Variants in SLC4A4 observed in about 807,000 individuals in gnomAD.
The protein encoded by SLC4A4 is electrogenic sodium bicarbonate cotransporter 1.
A neutral mutation model predicts 111.5 loss-of-function variants in SLC4A4; 27 were observed. The ratio of observed to expected loss-of-function variants is 0.24; its 90% CI spans 0.18 to 0.33. SLC4A4 has a LOEUF of 0.33. Among genes scored for constraint, SLC4A4 ranks in the 10% least tolerant of loss-of-function variants. The pLI, the probability that SLC4A4 is intolerant of heterozygous loss-of-function variation, is 1.00. For missense variants in SLC4A4, 909 were observed against 1,315.5 expected (o/e 0.69, Z 4.78); for synonymous variants, 443 against 463.4 (o/e 0.96, Z 0.57).
At chr4:71,314,778 G>A (rs539864861) in intron 3 of SLC4A4, among the ~76,000 whole-genome samples, 33 of 152,002 alleles carry the variant, frequency 2.2e-4, no homozygotes, top group Non-Finnish European at 3.4e-4. Flanking sequence ...GGAGTGGGGT[G>A]CAAGGGGAGG....
At chr4:71,361,969 A>G (rs568795889) in intron 6 of SLC4A4, among the ~76,000 whole-genome samples, 1 of 152,296 alleles carries the variant, frequency 6.6e-6, no homozygotes, top group African/African-American at 2.4e-5. Context: ...TTTTAAATGT[A>G]CCATTTAAAT....
chr4:71,438,541 C>T (rs1010805852), intron 7 of SLC4A4, among the ~76,000 whole-genome samples: 2 of 152,146 alleles, frequency 1.3e-5, no homozygotes, highest in African/African-American at 4.8e-5. Context: ...ATTTTTCCTT[C>T]TTCATGAAAA....
At chr4:71,425,410 C>G (rs970936726) in intron 7 of SLC4A4, among the ~76,000 whole-genome samples, 1 of 152,130 alleles carries the variant, frequency 6.6e-6, no homozygotes, top group Non-Finnish European at 1.5e-5. Flanking sequence ...AGTCTTCCTT[C>G]TCTTCTACAG....
intron 6 of SLC4A4, among the ~76,000 whole-genome samples, chr4:71,386,659 T>A (rs1382811118): frequency 1.3e-5 from 2 of 152,154 alleles, no homozygotes; most frequent in Non-Finnish European, 2.9e-5. Flanking sequence ...ATCTAAAATC[T>A]TTTCCTTGTT....
chr4:71,360,797 A>G (rs1730706447), intron 6 of SLC4A4, among the ~76,000 whole-genome samples: 1 of 152,212 alleles, frequency 6.6e-6, no homozygotes, highest in South Asian at 2.1e-4. Flanking sequence ...TATTATTTAT[A>G]TAATGTGTGC....
chr4:71,083,204 T>C (rs1285915386), intron 1 of SLC4A4, among the ~76,000 whole-genome samples: 1 of 152,028 alleles, frequency 6.6e-6, no homozygotes, highest in Admixed American at 6.5e-5. Context: ...CAAATAATTA[T>C]TTAATATTAT....
chr4:71,505,280 G>T (rs1451583808), intron 16 of SLC4A4, among the ~76,000 whole-genome samples: 2 of 151,818 alleles, frequency 1.3e-5, no homozygotes, highest in Non-Finnish European at 2.9e-5. Context: ...ATATAAAATG[G>T]ATATATATAA....
intron 1 of SLC4A4, among the ~76,000 whole-genome samples, chr4:71,062,851 T>C (rs1372807340): frequency 6.6e-6 from 1 of 152,224 alleles, no homozygotes; most frequent in Non-Finnish European, 1.5e-5. Flanking sequence ...AACGACATGA[T>C]GTATTTTCAC....
chr4:71,150,135 T>A (rs1744275952), intron 2 of SLC4A4, among the ~76,000 whole-genome samples: 1 of 152,200 alleles, frequency 6.6e-6, no homozygotes, highest in African/African-American at 2.4e-5. Context: ...AAATATGTTA[T>A]TAATCTTTGG....
intron 3 of SLC4A4, among the ~76,000 whole-genome samples, chr4:71,313,587 G>T (rs1186212150): frequency 6.6e-6 from 1 of 152,080 alleles, no homozygotes; most frequent in Non-Finnish European, 1.5e-5. Context: ...TAGACCAATG[G>T]AACAGAACAG....
At chr4:71,084,521 A>G (rs937038972) in intron 1 of SLC4A4, among the ~76,000 whole-genome samples, 1 of 152,022 alleles carries the variant, frequency 6.6e-6, no homozygotes, top group African/African-American at 2.4e-5. Flanking sequence ...GTCATTTAAC[A>G]TTAGGTATAT....
intron 2 of SLC4A4, among the ~76,000 whole-genome samples, chr4:71,247,456 C>G (rs1257566807): frequency 4.0e-5 from 6 of 151,856 alleles, no homozygotes; most frequent in African/African-American, 1.5e-4. Flanking sequence ...GACCCTTCAT[C>G]CTATTGCCCA....
intron 4 of SLC4A4, among the ~76,000 whole-genome samples, chr4:71,349,366 C>G (rs7667436): frequency 0.013 from 1,917 of 152,270 alleles, 44 homozygotes; most frequent in African/African-American, 0.044. Flanking sequence ...GAAGACACAA[C>G]AAAACGTGCC....
intron 2 of SLC4A4, among the ~76,000 whole-genome samples, chr4:71,245,114 A>C (rs1445054860): frequency 1.3e-5 from 2 of 152,158 alleles, no homozygotes; most frequent in Non-Finnish European, 2.9e-5. Context: ...GTGAAGGTCC[A>C]GAGGTGAGAA....
At chr4:71,472,673 T>C in intron 13 of SLC4A4, 26 bp from the exon 14 acceptor site, 3 of 1,610,496 alleles carry the variant, frequency 1.9e-6, no homozygotes, top group East Asian at 2.2e-5. Flanking sequence ...AGGAGGAATC[T>C]AAACATTTTT....
In SLC4A4 at chr4:71,126,567, A is replaced by G. The variant is rs144790167; in HGVS notation, c.-2+33775A>G. Among the ~76,000 whole-genome samples the G allele has an allele frequency of 1.4e-4, 21 of 152,324 alleles. No homozygotes were observed. In the East Asian group the frequency reaches 3.9e-3, roughly 28 times the overall value. The stretch of plus-strand genomic sequence containing the variant: ...TATAGACATACTTATTGATTGTAGT[A>G]TTGCTACAGGTTTGTGATAAATTAT... On this transcript the variant is annotated intron_variant, in intron 2 of 26. Transcript: ENST00000649996.
chr4:71,177,757 T>C (rs1445659358), intron 2 of SLC4A4, among the ~76,000 whole-genome samples: 1 of 152,138 alleles, frequency 6.6e-6, no homozygotes, highest in Non-Finnish European at 1.5e-5. Flanking sequence ...ACTGTCAACA[T>C]TAGACAGATG....
intron 6 of SLC4A4, among the ~76,000 whole-genome samples, chr4:71,393,082 G>T (rs1298470981): frequency 6.6e-6 from 1 of 152,046 alleles, no homozygotes; most frequent in African/African-American, 2.4e-5. Context: ...GGAAAAGTTG[G>T]AAGCATTCCC....
intron 14 of SLC4A4, among the ~76,000 whole-genome samples, chr4:71,486,623 C>T (rs1365704522): frequency 6.6e-6 from 1 of 151,054 alleles, no homozygotes; most frequent in Non-Finnish European, 1.5e-5. Context: ...CCTTGTTCCA[C>T]TAGCAAAATA....
Sources: allele counts gnomAD v4.1 joint callset (sites outside exome capture counted in the v4.1 genomes callset), GRCh38; gene constraint gnomAD v4.1.1; transcripts MANE v1.5; gene names NCBI Gene and HGNC (gene_info 2026-07-23, HGNC 2026-07-21).